Variants in TOR3A observed in about 807,000 individuals in gnomAD.
TOR3A encodes torsin family 3 member A, also known as torsin-3A.
Under a neutral mutation model 42.1 loss-of-function variants are expected in TOR3A, and 44 were observed. The ratio of observed to expected loss-of-function variants is 1.04; its 90% confidence interval spans 0.82 to 1.34. The LOEUF (loss-of-function observed/expected upper bound fraction) is 1.34, where lower values mean the gene tolerates loss of function less well. Among genes scored for constraint, TOR3A ranks in the 40% most tolerant of loss-of-function variants. The pLI, the probability that TOR3A is intolerant of heterozygous loss-of-function variation, is 0.00. For missense variants in TOR3A, 521 were observed against 507.6 expected (o/e 1.03, Z -0.25); for synonymous variants, 227 against 213.2 (o/e 1.06, Z -0.57).
In TOR3A at chr1:179,094,005, G is replaced by A; in HGVS notation, c.819-88G>A. Reference sequence around the variant, plus strand: ...ACGCCCCTCAGCCTCTATTCTTCCAGGCACTAATGCATTGGTTTCAGCGGT... The same window carrying A: ...ACGCCCCTCAGCCTCTATTCTTCCAAGCACTAATGCATTGGTTTCAGCGGT... On this transcript the variant is annotated intron_variant, in intron 4 of 5. Coordinates refer to ENST00000367627, the MANE Select transcript of TOR3A (RefSeq NM_022371.4). 4.0e-6 allele frequency: 6 copies of A among 1,502,612 alleles called. No individual in the cohort carries two copies. The South Asian group carries it at 5.2e-5, about 13-fold the overall frequency. The allele number at this position is 1,502,612 out of a possible 1,614,324, so 93.1% of individuals were successfully genotyped here.
chr1:179,087,107 C>G (rs1439103841), intron 3 of TOR3A, among the ~76,000 whole-genome samples: 10 of 152,264 alleles, frequency 6.6e-5, no homozygotes, highest in Non-Finnish European at 1.5e-4. Flanking sequence ...CACTTTCCCC[C>G]ACAAAGGTGC....
intron 5 of TOR3A, 64 bp downstream of exon 5, chr1:179,094,281 T>C: frequency 2.6e-6 from 4 of 1,556,364 alleles, no homozygotes; most frequent in Non-Finnish European, 3.5e-6. Context: ...ATGTGTTTGT[T>C]GGAATGTGTG....
intron 4 of TOR3A, among the ~76,000 whole-genome samples, chr1:179,092,555 T>C (rs913708124): frequency 1.3e-5 from 2 of 151,902 alleles, no homozygotes; most frequent in Non-Finnish European, 2.9e-5. Context: ...TGAGACCTCG[T>C]CTCTACAAAA....
intron 2 of TOR3A, among the ~76,000 whole-genome samples, chr1:179,083,795 C>T (rs1463146111): frequency 6.6e-6 from 1 of 152,094 alleles, no homozygotes; most frequent in Non-Finnish European, 1.5e-5. Context: ...GATCTTTGGC[C>T]CCATGTTCTG....
chr1:179,094,403 C>A (rs572973522), intron 5 of TOR3A, among the ~76,000 whole-genome samples, 186 bp downstream of exon 5: 1 of 152,302 alleles, frequency 6.6e-6, no homozygotes, highest in South Asian at 2.1e-4. Flanking sequence ...AGCTCCTTTT[C>A]TGGGAATGCT....
At position 179,088,110 on chromosome 1, in the gene TOR3A, G is replaced by A. The variant is rs1258371517; in HGVS notation, c.818+21G>A. The A allele has an allele frequency of 5.2e-6, 8 of 1,543,860 alleles. No homozygotes were observed. The South Asian group carries it at 8.6e-5, about 17-fold the overall frequency. ...CTCAGGTGGGTTCTGGGGAACAATA[G>A]TCAGGAGGGCTGGGGGAGGGGAAGA... On this transcript the variant is annotated intron_variant, in intron 4 of 5. Transcript: ENST00000367627.
At chr1:179,091,410 G>A (rs927531891) in intron 4 of TOR3A, among the ~76,000 whole-genome samples, 2 of 152,180 alleles carry the variant, frequency 1.3e-5, no homozygotes, top group Non-Finnish European at 2.9e-5. Context: ...GAGGGGCGGC[G>A]CGTAGAGAGG....
At chr1:179,093,737 A>C (rs74798683) in intron 4 of TOR3A, among the ~76,000 whole-genome samples, 1 of 152,186 alleles carries the variant, frequency 6.6e-6, no homozygotes, top group African/African-American at 2.4e-5. Context: ...CTTAGAACTC[A>C]GTCACTCCTC....
intron 4 of TOR3A, 60 bp downstream of exon 4, chr1:179,088,149 T>G (rs1003209709): frequency 6.8e-7 from 1 of 1,478,788 alleles, no homozygotes; most frequent in Admixed American, 2.4e-5. Flanking sequence ...TAGCTGGCAG[T>G]GGAGGCTTCC....
At chr1:179,085,050 C>G (rs1238252948) in intron 2 of TOR3A, among the ~76,000 whole-genome samples, 1 of 152,234 alleles carries the variant, frequency 6.6e-6, no homozygotes, top group Non-Finnish European at 1.5e-5. Flanking sequence ...TCTGTGCCAA[C>G]TGTTCTGGGT....
chr1:179,083,581 CGGGGGGGGGG>C lies in TOR3A; in HGVS notation c.373+537_373+546del, dbSNP rs78979955. ...CTAATTTCTGTATTTTTAGTAGAGG[CGGGGGGGGGG>C]GGGGGGGGCGGGTTTCACCATGTTG... On this transcript the variant is annotated intron_variant, in intron 2 of 5. Coordinates refer to ENST00000367627, the MANE Select transcript of TOR3A (RefSeq NM_022371.4). Among the ~76,000 whole-genome samples, 46 of 102,654 alleles carry C rather than the reference CGGGGGGGGGG, an allele frequency of 4.5e-4. 5 individuals carry two copies. The East Asian group carries it at 0.011, about 24-fold the overall frequency. The allele number at this position is 102,654 out of a possible 152,430, so 67.3% of individuals were successfully genotyped here.
intron 4 of TOR3A, chr1:179,091,823 A>G (rs1393801150): frequency 6.6e-6 from 1 of 152,320 alleles, no homozygotes; most frequent in Non-Finnish European, 1.5e-5. Flanking sequence ...GGATGGGGCA[A>G]TGCCCTGGCA....
chr1:179,082,524 T>C, intron 1 of TOR3A, 137 bp downstream of exon 1: 3 of 1,314,704 alleles, frequency 2.3e-6, no homozygotes, highest in Non-Finnish European at 3.1e-6. Context: ...GTACCGGCTG[T>C]GGGCGGGGGC....
intron 1 of TOR3A, 48 bp from the exon 2 acceptor site, chr1:179,082,892 A>T: frequency 7.8e-7 from 1 of 1,288,044 alleles, no homozygotes; most frequent in Non-Finnish European, 1.1e-6. Context: ...GCATCACTGT[A>T]GAGCACCGGA....
intron 4 of TOR3A, 177 bp downstream of exon 4, chr1:179,088,266 G>C: frequency 3.3e-6 from 2 of 599,336 alleles, no homozygotes. Flanking sequence ...CCAGCACTTT[G>C]GGAGGCCAAG....
intron 3 of TOR3A, among the ~76,000 whole-genome samples, chr1:179,086,687 A>T (rs1037042030): frequency 1.3e-5 from 2 of 150,334 alleles, no homozygotes; most frequent in Non-Finnish European, 3.0e-5. Context: ...AAAAAAAGAA[A>T]ACAGGCCTAT....
At chr1:179,085,141 T>TTGAGGCTG (rs1652394550) in intron 2 of TOR3A, among the ~76,000 whole-genome samples, 1 of 151,982 alleles carries the variant, frequency 6.6e-6, no homozygotes, top group Admixed American at 6.6e-5. Flanking sequence ...AAAGTAGTCC[T>TTGAGGCTG]TGAGGCTGGG....
At chr1:179,093,870 G>A (rs1490949110) in intron 4 of TOR3A, among the ~76,000 whole-genome samples, 1 of 152,176 alleles carries the variant, frequency 6.6e-6, no homozygotes, top group African/African-American at 2.4e-5. Context: ...GTAAGTGTGT[G>A]TCAAGAGGGA....
In TOR3A at chr1:179,082,894, A is replaced by G. The variant is rs373473787; in HGVS notation, c.260-46A>G. The G allele has an allele frequency of 6.0e-4, 784 of 1,303,728 alleles. 2 individuals carry two copies. The highest frequency in any genetic ancestry group is 8.3e-4 in the Non-Finnish European group (762 of 923,530). The allele number at this position is 1,303,728 out of a possible 1,614,324, so 80.8% of individuals were successfully genotyped here. On this transcript the variant is annotated intron_variant, in intron 1 of 5. Coordinates refer to ENST00000367627, the MANE Select transcript of TOR3A (RefSeq NM_022371.4). ...TGGCAAGGTTGCCGCATCACTGTAG[A>G]GCACCGGATGGTCTCCTCTCGGTCT...
Sources: gnomAD v4.1 joint callset for allele counts (sites outside exome capture counted in the v4.1 genomes callset) on GRCh38, gnomAD v4.1.1 for gene constraint, MANE v1.5 for transcripts, NCBI Gene and HGNC (gene_info 2026-07-23, HGNC 2026-07-21) for gene names.